SMARCC2: variants seen among roughly 807,000 people sequenced by gnomAD.
The protein encoded by SMARCC2 is SWI/SNF complex subunit SMARCC2.
A neutral mutation model predicts 151.3 loss-of-function variants in SMARCC2; 15 were observed. The ratio of observed to expected loss-of-function variants is 0.10; its 90% CI spans 0.07 to 0.15. SMARCC2 has a LOEUF of 0.15. SMARCC2 is among the 10% of genes least tolerant of loss of function. The probability of loss-of-function intolerance (pLI) is 1.00; values close to 1 mark genes in which losing one functional copy is unlikely to be tolerated. For missense variants in SMARCC2, 1,031 were observed against 1,599.7 expected (o/e 0.64, Z 6.06); for synonymous variants, 590 against 609.5 (o/e 0.97, Z 0.47).
chr12:56,189,121 G>A (rs992206182), intron 1 of SMARCC2, among the ~76,000 whole-genome samples: 1 of 150,368 alleles, frequency 6.7e-6, no homozygotes, highest in African/African-American at 2.4e-5. Flanking sequence ...AAAAACAAGG[G>A]GCAGAGGGCG....
chr12:56,170,042 C>T (rs565336313), intron 23 of SMARCC2, 102 bp downstream of exon 23: 68 of 1,425,392 alleles, frequency 4.8e-5, no homozygotes, highest in African/African-American at 8.5e-5. Context: ...GAGACAACCC[C>T]GTCCAAAACC....
Position 56,169,668 on chromosome 12 carries a change from T to G in SMARCC2, c.2576A>C (p.Lys859Thr). The change falls in exon 25 of 29, where the codon AAG becomes ACG. Residue 859 changes from lysine (K) to threonine (T), a missense_variant. By Grantham distance (78) the Lys-to-Thr change is moderately conservative (BLOSUM62 -1). Coordinates refer to ENST00000550164, the MANE Select transcript of SMARCC2 (RefSeq NM_001330288.2). ...IVDPEKEKEPKEGQEEVLKEV... is the reference protein window; with the variant it reads ...IVDPEKEKEPTEGQEEVLKEV... ...CTTCAGCACTTCCTCCTGCCCTTCC[T>G]TTGGCTCCTTCTCCTTCTCAGGATC... 1 of 1,614,174 alleles carries G rather than the reference T, an allele frequency of 6.2e-7. No homozygotes were observed. Among genetic ancestry groups the G allele is most frequent in the Non-Finnish European group, 8.5e-7 (1 of 1,180,018 alleles).
Position 56,171,827 on chromosome 12 carries a change from G to A in SMARCC2, c.2037C>T (p.Tyr679=), listed in dbSNP as rs1188429871. ...HFLRLPIEDP[Y]LEDSEASLGP... ...CTAGGGAGGCCTCTGAGTCCTCCAG[G>A]TATGGGTCTTCAATGGGAAGACGAA... Residue 679 remains tyrosine (Y), a synonymous_variant, in exon 21 of 29, where the codon TAC becomes TAT. Transcript: ENST00000550164. This position sits in a 1 kb window ranked among gnomAD's most constrained non-coding sequence, Gnocchi z 4.2. The A allele has an allele frequency of 1.2e-6, 2 of 1,614,026 alleles. No individual in the cohort carries two copies. The highest frequency in any genetic ancestry group is 1.7e-6 in the Non-Finnish European group (2 of 1,179,988).
chr12:56,165,434 C>T lies in SMARCC2; in HGVS notation c.3116G>A (p.Gly1039Asp). 6.5e-7 allele frequency: 1 copy of T among 1,531,952 alleles called. No individual in the cohort carries two copies. 94.9% of individuals were successfully genotyped at this position (1,531,952 alleles called of 1,614,324 possible). Reference protein sequence around the residue: ...AGSGAPPGSLGPSEQIGQAGS... With the variant: ...AGSGAPPGSLDPSEQIGQAGS... ...TGCCTGCCCAATCTGTTCAGAAGGG[C>T]CCAAACTTCCTGGAGGGGCCCCACT... is the stretch of plus-strand genomic sequence containing the variant. Residue 1039 changes from glycine (G) to aspartate (D), a missense_variant, in exon 27 of 29, where the codon GGC becomes GAC. Gly to Asp is a moderately conservative substitution (Grantham distance 94, BLOSUM62 -1). Around this residue, in one of 12 missense-constraint regions of SMARCC2, gnomAD observed 310 missense variants for 350.0 expected, o/e 0.89. Coordinates refer to ENST00000550164, the MANE Select transcript of SMARCC2 (RefSeq NM_001330288.2).
At chr12:56,170,070 G>C (rs182347177) in intron 23 of SMARCC2, 74 bp downstream of exon 23, 3 of 1,477,894 alleles carry the variant, frequency 2.0e-6, no homozygotes, top group African/African-American at 2.8e-5. Flanking sequence ...GCCCACCTAA[G>C]CTGAACAAGG....
chr12:56,173,709 G>T lies in SMARCC2; in HGVS notation c.1637C>A (p.Pro546His). 6.2e-7 allele frequency: 1 copy of T among 1,613,494 alleles called. No individual in the cohort carries two copies. Among genetic ancestry groups the T allele is most frequent in the Non-Finnish European group, 8.5e-7 (1 of 1,179,654 alleles). ...ACCTCACCCTACCTGAGGTGTCTTG[G>T]GCTGCAGAGGCACCAGCCCTGATGG... ...DTPSGLVPLQ[P>H]KTPQGRQVDA... Residue 546 changes from proline (P) to histidine (H), a missense_variant, in exon 17 of 29, where the codon CCC becomes CAC. This residue lies in a region of SMARCC2 where 99 missense variants were observed against 148.3 expected (regional missense o/e 0.67). Coordinates refer to ENST00000550164, the MANE Select transcript of SMARCC2 (RefSeq NM_001330288.2).
chr12:56,169,129 A>T (rs1476377217), intron 25 of SMARCC2, among the ~76,000 whole-genome samples: 1 of 151,858 alleles, frequency 6.6e-6, no homozygotes, highest in Admixed American at 6.6e-5. Flanking sequence ...CCCCATCTCT[A>T]CTAAAAATAC....
chr12:56,188,987 G>A (rs1485159472), intron 1 of SMARCC2, among the ~76,000 whole-genome samples: 1 of 152,098 alleles, frequency 6.6e-6, no homozygotes, highest in Non-Finnish European at 1.5e-5. Flanking sequence ...CACGCTCCGG[G>A]TTGCGGGGGA....
chr12:56,184,541 G>C, intron 5 of SMARCC2: 1 of 536,452 alleles, frequency 1.9e-6, no homozygotes, highest in South Asian at 2.4e-5. Flanking sequence ...TTACTATAAA[G>C]TTCCAAAGAG....
Position 56,171,379 on chromosome 12 carries a change from C to T in SMARCC2, c.2239G>A (p.Val747Ile), listed in dbSNP as rs1196171249. 3 of 1,614,240 alleles carry T rather than the reference C, an allele frequency of 1.9e-6. No individual in the cohort carries two copies. The South Asian group carries it at 3.3e-5, about 18-fold the overall frequency. Residue 747 changes from valine to isoleucine, a missense_variant, in exon 22 of 29, where the codon GTT becomes ATT. Physicochemically the swap from Val to Ile is conservative, Grantham distance 29. Transcript: ENST00000550164. This position sits in a 1 kb window ranked among gnomAD's most constrained non-coding sequence, Gnocchi z 4.2. The stretch of plus-strand genomic sequence containing the variant: ...TTGGCTGCTTCTTCCACTTTTCGAA[C>T]ATGGGCCTCCACCAAGGCCGTGGGT... Reference protein sequence around the residue: ...EVPTALVEAHVRKVEEAAKVT... With the variant: ...EVPTALVEAHIRKVEEAAKVT...
chr12:56,180,150 C>T (rs1364153984), intron 11 of SMARCC2, among the ~76,000 whole-genome samples: 1 of 151,700 alleles, frequency 6.6e-6, no homozygotes, highest in African/African-American at 2.4e-5. Flanking sequence ...GCCCTGTTGC[C>T]CAGGCTGGAG....
chr12:56,182,666 A>G (rs1207773282), intron 7 of SMARCC2, among the ~76,000 whole-genome samples: 3 of 150,678 alleles, frequency 2.0e-5, no homozygotes, highest in Non-Finnish European at 4.4e-5. Flanking sequence ...TTTGCTGCCT[A>G]GGCTGGTCTT....
At chr12:56,187,435 T>A in intron 1 of SMARCC2, 129 bp from the exon 2 acceptor site, 1 of 882,710 alleles carries the variant, frequency 1.1e-6, no homozygotes, top group African/African-American at 1.7e-5. Flanking sequence ...CCCCATTTAG[T>A]CTCTATAAAG....
intron 2 of SMARCC2, chr12:56,186,977 T>C: frequency 2.1e-6 from 1 of 475,156 alleles, no homozygotes. Context: ...TCTGAAATAA[T>C]TTGTTGCACA....
chr12:56,171,463 G>A lies in SMARCC2; in HGVS notation c.2186-31C>T, dbSNP rs780414069. The A allele has an allele frequency of 3.1e-6, 5 of 1,613,804 alleles. No individual in the cohort carries two copies. The highest frequency in any genetic ancestry group is 1.7e-5 in the Admixed American group (1 of 60,018). ...AGACCCAGAAAGAATGAGGCTGGGA[G>A]CGGCACAGTGGAACAGTTCTGGCAA... On this transcript the variant is annotated intron_variant, in intron 21 of 28. Transcript: ENST00000550164. This position sits in a 1 kb window ranked among gnomAD's most constrained non-coding sequence, Gnocchi z 4.2.
intron 15 of SMARCC2, among the ~76,000 whole-genome samples, chr12:56,176,801 C>T (rs192789722): frequency 1.3e-5 from 2 of 151,846 alleles, no homozygotes; most frequent in East Asian, 1.9e-4. Context: ...CCACCACGCC[C>T]GGCTAATTTT....
chr12:56,178,214 C>T (rs1489403916), intron 14 of SMARCC2, 121 bp from the exon 15 acceptor site: 4 of 968,818 alleles, frequency 4.1e-6, no homozygotes, highest in Non-Finnish European at 6.2e-6. Flanking sequence ...AAGTTAGAAG[C>T]TTGGGGAGAA....
intron 1 of SMARCC2, among the ~76,000 whole-genome samples, chr12:56,187,851 G>A (rs1261647407): frequency 4.6e-5 from 7 of 152,072 alleles, no homozygotes; most frequent in Non-Finnish European, 7.4e-5. Context: ...GGCCCTCCTA[G>A]ACAGGAAGGG....
At chr12:56,172,847 T>G in intron 18 of SMARCC2, 90 bp downstream of exon 18, 2 of 1,561,770 alleles carry the variant, frequency 1.3e-6, no homozygotes, top group Non-Finnish European at 1.8e-6. Flanking sequence ...ACTGCTGTAG[T>G]TCCTCTGCTC....
Sources: gnomAD v4.1 joint callset for allele counts (sites outside exome capture counted in the v4.1 genomes callset) on GRCh38, gnomAD v4.1.1 for gene constraint, gnomAD v4.1.1 regional missense constraint, Gnocchi (gnomAD v3.1) non-coding constraint, MANE v1.5 for transcripts, NCBI Gene and HGNC (gene_info 2026-07-23, HGNC 2026-07-21) for gene names.